Variants in SAMD4A observed in about 807,000 individuals in gnomAD.
SAMD4A encodes the protein sterile alpha motif domain containing 4A.
SAMD4A carries 33 observed loss-of-function variants against 81.3 expected under a neutral mutation model. The ratio of observed to expected loss-of-function variants is 0.41; its 90% CI spans 0.31 to 0.54. The LOEUF (loss-of-function observed/expected upper bound fraction) is 0.54. Among genes scored for constraint, SAMD4A ranks in the 20% least tolerant of loss-of-function variants. The probability of loss-of-function intolerance (pLI) is 0.37; values close to 1 mark genes in which losing one functional copy is unlikely to be tolerated. For missense variants in SAMD4A, 854 were observed against 951.1 expected (o/e 0.90, Z 1.34); for synonymous variants, 389 against 382.1 (o/e 1.02, Z -0.21).
rs375012808 is a variant in SAMD4A, at chr14:54,788,968, G to A, written c.*24G>A. On this transcript the variant is annotated 3_prime_UTR_variant, in exon 13 of 13. Coordinates refer to ENST00000554335, the MANE Select transcript of SAMD4A (RefSeq NM_015589.6). The stretch of plus-strand genomic sequence containing the variant: ...AGAAGCTGAAGACGAGAGTGACCGC[G>A]CTGGCCGTGAAATCGACTGCTGCGG... 2.7e-4 allele frequency: 434 copies of A among 1,613,506 alleles called. No homozygotes were observed. Among genetic ancestry groups the A allele is most frequent in the Non-Finnish European group, 3.4e-4 (400 of 1,179,578 alleles).
intron 2 of SAMD4A, among the ~76,000 whole-genome samples, chr14:54,659,214 C>A (rs1187651984): frequency 1.3e-5 from 2 of 152,184 alleles, no homozygotes; most frequent in Admixed American, 1.3e-4. Context: ...GTTGAAGACA[C>A]TAGGGTTACC....
chr14:54,674,879 CTGGGAATATTAGGCCCG>C (rs907280092), intron 2 of SAMD4A, among the ~76,000 whole-genome samples: 2 of 152,190 alleles, frequency 1.3e-5, no homozygotes, highest in African/African-American at 4.8e-5. Context: ...CTCTTGAGTA[CTGGGAATATTAGGCCCG>C]TGCCATGATG....
At chr14:54,675,366 C>CAA (rs2035969289) in intron 2 of SAMD4A, among the ~76,000 whole-genome samples, 17 of 22,188 alleles carry the variant, frequency 7.7e-4, no homozygotes, top group Admixed American at 1.8e-3. Flanking sequence ...AACTCCGTCT[C>CAA]CAAAAAAAAA....
intron 2 of SAMD4A, among the ~76,000 whole-genome samples, chr14:54,576,114 C>T (rs2033289296): frequency 6.8e-6 from 1 of 147,022 alleles, no homozygotes; most frequent in South Asian, 2.2e-4. Flanking sequence ...GGAGAGTTCT[C>T]TTCCCCCTAC....
intron 12 of SAMD4A, among the ~76,000 whole-genome samples, chr14:54,788,083 A>T (rs1369764340): frequency 6.6e-6 from 1 of 151,514 alleles, no homozygotes; most frequent in Non-Finnish European, 1.5e-5. Flanking sequence ...CGGCCTCAGC[A>T]CTCTCCCACC....
chr14:54,702,531 C>G lies in SAMD4A; in HGVS notation c.666C>G (p.Ser222=). The G allele has an allele frequency of 6.2e-7, 1 of 1,614,148 alleles. No individual in the cohort carries two copies. The highest frequency in any genetic ancestry group is 8.5e-7 in the Non-Finnish European group (1 of 1,180,000). ...CENGHVPLYS[S]SSVPTTINTI... is the part of the protein sequence containing the mutation. ...ATGGCCATGTGCCCCTCTACTCCTCCTCATCTGTCCCCACCACAATCAATA... is the reference window on the plus strand; with the variant it reads ...ATGGCCATGTGCCCCTCTACTCCTCGTCATCTGTCCCCACCACAATCAATA... Residue 222 remains serine, a synonymous_variant, in exon 3 of 13, where the codon TCC becomes TCG. Coordinates refer to ENST00000554335, the MANE Select transcript of SAMD4A (RefSeq NM_015589.6).
At chr14:54,710,824 G>A (rs912505421) in intron 3 of SAMD4A, among the ~76,000 whole-genome samples, 1 of 152,210 alleles carries the variant, frequency 6.6e-6, no homozygotes, top group Admixed American at 6.5e-5. Context: ...GCTCCTTGGG[G>A]ATAGGGGTTG....
chr14:54,607,524 C>G (rs1206655401), intron 2 of SAMD4A, among the ~76,000 whole-genome samples: 1 of 150,272 alleles, frequency 6.7e-6, no homozygotes, highest in Non-Finnish European at 1.5e-5. Flanking sequence ...GGCACGATCT[C>G]TGCTCACTGC....
intron 12 of SAMD4A, among the ~76,000 whole-genome samples, chr14:54,788,546 A>G (rs926771028): frequency 6.6e-6 from 1 of 152,132 alleles, no homozygotes; most frequent in Non-Finnish European, 1.5e-5. Flanking sequence ...TTGACTTCCC[A>G]GGCCAACCGG....
chr14:54,577,248 G>C (rs973346683), intron 2 of SAMD4A, among the ~76,000 whole-genome samples: 1 of 152,242 alleles, frequency 6.6e-6, no homozygotes, highest in Non-Finnish European at 1.5e-5. Context: ...TTTCAGGTTT[G>C]TACGTGTTTC....
intron 2 of SAMD4A, among the ~76,000 whole-genome samples, chr14:54,598,472 T>C (rs1055712336): frequency 6.6e-6 from 1 of 152,200 alleles, no homozygotes; most frequent in African/African-American, 2.4e-5. Context: ...ACATCATACT[T>C]GGTAGATATT....
intron 2 of SAMD4A, among the ~76,000 whole-genome samples, chr14:54,615,290 A>C: frequency 6.6e-6 from 1 of 152,212 alleles, no homozygotes; most frequent in East Asian, 1.9e-4. Context: ...TCCATTTTGC[A>C]GTTGAGGAAA....
chr14:54,736,582 T>C (rs142604437), intron 3 of SAMD4A, among the ~76,000 whole-genome samples: 1 of 152,246 alleles, frequency 6.6e-6, no homozygotes, highest in Admixed American at 6.5e-5. Context: ...CCCTTCAAGA[T>C]GTCCTCCTGA....
chr14:54,777,014 A>G (rs1446428076), intron 11 of SAMD4A, among the ~76,000 whole-genome samples: 2 of 152,222 alleles, frequency 1.3e-5, no homozygotes, highest in African/African-American at 2.4e-5. Flanking sequence ...TTAAAGAGCA[A>G]CTTAGCACAC....
chr14:54,599,227 T>A (rs2033990996), intron 2 of SAMD4A, among the ~76,000 whole-genome samples: 1 of 152,208 alleles, frequency 6.6e-6, no homozygotes. Flanking sequence ...TTTTGAGACC[T>A]TTAATTCCTG....
chr14:54,722,995 C>A (rs556830387), intron 3 of SAMD4A, among the ~76,000 whole-genome samples: 9 of 152,184 alleles, frequency 5.9e-5, no homozygotes, highest in Non-Finnish European at 1.2e-4. Flanking sequence ...AGCTCTATAC[C>A]AACCCCATCT....
chr14:54,777,866 T>C lies in SAMD4A; in HGVS notation c.2044+1326T>C, dbSNP rs1026919333. On this transcript the variant is annotated intron_variant, in intron 11 of 12. Transcript: ENST00000554335. ...TTCTCTATATTTATGCACCAAAATA[T>C]AACAATATAATTACACATATTTCTA... Among the ~76,000 whole-genome samples the C allele has an allele frequency of 3.3e-5, 5 of 152,336 alleles. No homozygotes were observed. In the South Asian group the frequency reaches 1.0e-3, roughly 32 times the overall value.
chr14:54,778,289 G>T (rs1239393724), intron 11 of SAMD4A, among the ~76,000 whole-genome samples: 1 of 152,178 alleles, frequency 6.6e-6, no homozygotes, highest in East Asian at 1.9e-4. Flanking sequence ...CTAAAAGCTG[G>T]GTTGTCCCGG....
intron 2 of SAMD4A, among the ~76,000 whole-genome samples, chr14:54,579,417 A>G (rs2033400461): frequency 6.6e-6 from 1 of 152,262 alleles, no homozygotes; most frequent in Admixed American, 6.5e-5. Context: ...CCCAAAACCT[A>G]TGTTGAATCC....
Sources: gnomAD v4.1 joint callset for allele counts (sites outside exome capture counted in the v4.1 genomes callset) on GRCh38, gnomAD v4.1.1 for gene constraint, MANE v1.5 for transcripts, NCBI Gene and HGNC (gene_info 2026-07-23, HGNC 2026-07-21) for gene names.